Variants in ADGRV1 observed in about 807,000 individuals in gnomAD.
ADGRV1 encodes the protein adhesion G protein-coupled receptor V1.
Under a neutral mutation model 596.2 loss-of-function variants are expected in ADGRV1, and 359 were observed. The observed-to-expected ratio is 0.60, with a 90% CI of 0.55 to 0.66. The LOEUF is 0.66. Among genes scored for constraint, ADGRV1 ranks in the 30% least tolerant of loss-of-function variants. The probability of loss-of-function intolerance (pLI) is 0.00; values close to 1 mark genes in which losing one functional copy is unlikely to be tolerated. For missense variants in ADGRV1, 7,274 were observed against 7,575.6 expected, an observed-to-expected ratio of 0.96 and a Z score of 1.48; for synonymous variants, 2,681 against 2,679.2, an observed-to-expected ratio of 1.00 and a Z score of -0.02.
chr5:90,976,233 TAC>T (rs1485237381), intron 84 of ADGRV1, among the ~76,000 whole-genome samples: 19 of 146,454 alleles, frequency 1.3e-4, no homozygotes, highest in African/African-American at 4.5e-4. Flanking sequence ...TATATATATA[TAC>T]ACAATGTACA....
chr5:90,958,752 A>G (rs777519828), intron 83 of ADGRV1, among the ~76,000 whole-genome samples: 2 of 152,314 alleles, frequency 1.3e-5, no homozygotes, highest in East Asian at 3.9e-4. Context: ...GACCCATTCT[A>G]AAGACCTCTT....
intron 5 of ADGRV1, among the ~76,000 whole-genome samples, chr5:90,624,346 C>T (rs2149366157): frequency 1.3e-5 from 2 of 152,182 alleles, no homozygotes; most frequent in Non-Finnish European, 2.9e-5. Context: ...AAATAATTGG[C>T]TGTAGAAAGG....
rs70973728 is a variant in ADGRV1, at chr5:91,069,928, C to CAA, written c.18153-2505_18153-2504dup. Among the ~76,000 whole-genome samples, 401 of 136,814 alleles carry CAA rather than the reference C, an allele frequency of 2.9e-3. 1 individual carries two copies. Among genetic ancestry groups the CAA allele is most frequent in the South Asian group, 0.022 (96 of 4,350 alleles). The allele number at this position is 136,814 out of a possible 152,430, so 89.8% of individuals were successfully genotyped here. ...TAAACCATAGAATACAATGTAGCCA[C>CAA]AAAAAAAAAAAAAAATGAAATCATG... On this transcript the variant is annotated intron_variant, in intron 85 of 89. Coordinates refer to ENST00000405460, the MANE Select transcript of ADGRV1 (RefSeq NM_032119.4).
chr5:91,055,339 C>G (rs1434823076), intron 85 of ADGRV1, among the ~76,000 whole-genome samples: 1 of 151,732 alleles, frequency 6.6e-6, no homozygotes, highest in Non-Finnish European at 1.5e-5. Context: ...GATTTCTATA[C>G]ATGAGTAGAC....
intron 83 of ADGRV1, among the ~76,000 whole-genome samples, chr5:90,919,338 A>G (rs1340619448): frequency 6.6e-6 from 1 of 152,216 alleles, no homozygotes; most frequent in Non-Finnish European, 1.5e-5. Context: ...TCTGATTACT[A>G]GACAGATGGT....
At chr5:90,715,640 A>C (rs936667135) in intron 42 of ADGRV1, among the ~76,000 whole-genome samples, 1 of 127,544 alleles carries the variant, frequency 7.8e-6, no homozygotes, top group African/African-American at 3.2e-5. Context: ...GCTATTGTGA[A>C]TAAGGTCTAC....
chr5:91,028,861 C>T (rs1784250962), intron 85 of ADGRV1, among the ~76,000 whole-genome samples: 1 of 150,456 alleles, frequency 6.6e-6, no homozygotes, highest in African/African-American at 2.4e-5. Context: ...GCATCAGCCT[C>T]TTGCATAGCT....
At chr5:91,131,768 C>A (rs538971891) in intron 87 of ADGRV1, among the ~76,000 whole-genome samples, 1 of 152,190 alleles carries the variant, frequency 6.6e-6, no homozygotes, top group South Asian at 2.1e-4. Flanking sequence ...TTGATAGATT[C>A]TTTTGCTATA....
chr5:91,023,315 G>A (rs902918029), intron 85 of ADGRV1, among the ~76,000 whole-genome samples: 1 of 152,114 alleles, frequency 6.6e-6, no homozygotes, highest in African/African-American at 2.4e-5. Flanking sequence ...TATTCACAAG[G>A]TGAGTTAGGG....
intron 50 of ADGRV1, among the ~76,000 whole-genome samples, chr5:90,733,770 C>T (rs1160416913): frequency 1.3e-5 from 2 of 152,112 alleles, no homozygotes; most frequent in Non-Finnish European, 2.9e-5. Flanking sequence ...CCATCACTTA[C>T]TTAACATTTT....
chr5:90,628,196 G>A (rs904897548), intron 7 of ADGRV1, among the ~76,000 whole-genome samples: 7 of 124,260 alleles, frequency 5.6e-5, no homozygotes, highest in African/African-American at 8.3e-5. Flanking sequence ...GACCAGCCTG[G>A]GCAACAAAGT....
intron 86 of ADGRV1, among the ~76,000 whole-genome samples, chr5:91,094,002 C>T (rs1790619035): frequency 6.6e-6 from 1 of 151,890 alleles, no homozygotes; most frequent in Non-Finnish European, 1.5e-5. Context: ...CAGGCATGCG[C>T]CACCACACCC....
intron 85 of ADGRV1, among the ~76,000 whole-genome samples, chr5:91,039,194 G>A (rs983120080): frequency 8.5e-5 from 13 of 152,152 alleles, no homozygotes; most frequent in African/African-American, 3.1e-4. Flanking sequence ...AAGAAAATGT[G>A]TAGCTCATAT....
intron 50 of ADGRV1, among the ~76,000 whole-genome samples, chr5:90,740,389 GGTTGC>G (rs1753808836): frequency 6.6e-6 from 1 of 152,206 alleles, no homozygotes; most frequent in Admixed American, 6.5e-5. Flanking sequence ...AGCTTGGTTG[GGTTGC>G]AGCTCAATCA....
intron 70 of ADGRV1, among the ~76,000 whole-genome samples, chr5:90,800,296 A>G (rs1378736367): frequency 6.6e-6 from 1 of 152,252 alleles, no homozygotes; most frequent in African/African-American, 2.4e-5. Context: ...AGAAGAACAC[A>G]TTTATGCAGC....
chr5:91,057,807 G>C (rs1011733077), intron 85 of ADGRV1, among the ~76,000 whole-genome samples: 1 of 152,106 alleles, frequency 6.6e-6, no homozygotes, highest in African/African-American at 2.4e-5. Flanking sequence ...AACGGAATTA[G>C]TTGTATTATT....
chr5:90,593,410 A>G (rs1759789672), intron 1 of ADGRV1, among the ~76,000 whole-genome samples: 1 of 145,144 alleles, frequency 6.9e-6, no homozygotes, highest in Admixed American at 6.8e-5. Context: ...ATGAGAACAC[A>G]TGGACACAGG....
chr5:90,657,988 C>T lies in ADGRV1; in HGVS notation c.4462C>T (p.Arg1488Trp), dbSNP rs201610657. 9.9e-6 allele frequency: 16 copies of T among 1,613,734 alleles called. No homozygotes were observed. The East Asian group carries it at 1.1e-4, about 11-fold the overall frequency. The change falls in exon 21 of 90, where the codon CGG (arginine) becomes TGG (tryptophan). Residue 1488 changes from arginine (R) to tryptophan (W), a missense_variant. Coordinates refer to ENST00000405460, the MANE Select transcript of ADGRV1 (RefSeq NM_032119.4). ...GLMQDVRSYE[R>W]KLTLEEIYEL... ...GATGCAGGATGTGAGGTCCTATGAG[C>T]GGAAACTGACGCTTGAAGAAATTTA...
At chr5:90,723,041 C>T (rs191449065) in intron 45 of ADGRV1, among the ~76,000 whole-genome samples, 16 of 152,050 alleles carry the variant, frequency 1.1e-4, no homozygotes, top group Admixed American at 6.6e-4. Context: ...GGTGTCAACC[C>T]CTGGTGAGAA....
Sources: allele counts gnomAD v4.1 joint callset (sites outside exome capture counted in the v4.1 genomes callset), GRCh38; gene constraint gnomAD v4.1.1; transcripts MANE v1.5; gene names NCBI Gene and HGNC (gene_info 2026-07-23, HGNC 2026-07-21).